The following GABRB3 variants were observed in gnomAD, a reference collection of about 807,000 sequenced individuals.
GABRB3 encodes the protein gamma-aminobutyric acid type A receptor subunit beta3.
Under a neutral mutation model 52.1 loss-of-function variants are expected in GABRB3, and 14 were observed. That is an observed-to-expected ratio of 0.27 (90% confidence interval 0.18 to 0.42). GABRB3 has a LOEUF of 0.42. GABRB3 is among the 10% of genes least tolerant of loss of function. GABRB3 has a pLI of 1.00. For synonymous variants in GABRB3, 260 were observed against 232.3 expected (o/e 1.12, Z -1.08); for missense variants, 307 against 609.1 (o/e 0.50, Z 5.22).
intron 3 of GABRB3, among the ~76,000 whole-genome samples, chr15:26,756,854 C>G (rs191823847): frequency 1.4e-3 from 215 of 152,196 alleles, no homozygotes; most frequent in South Asian, 0.01. Flanking sequence ...CTAAGCACCC[C>G]ATAAGTTTGC....
rs1430032236 is a variant in GABRB3, at chr15:26,554,148, A to G, written c.1081-6014T>C. Among the ~76,000 whole-genome samples the G allele has an allele frequency of 3.5e-3, 198 of 56,022 alleles. 10 individuals are homozygous for G. The highest frequency in any genetic ancestry group is 0.018 in the African/African-American group (184 of 10,338). The allele number at this position is 56,022 out of a possible 152,430, so 36.8% of individuals were successfully genotyped here. On this transcript the variant is annotated intron_variant, in intron 8 of 8. Coordinates refer to ENST00000311550, the MANE Select transcript of GABRB3 (RefSeq NM_000814.6). ...GTGTGTATATATATATATAAAGTAT[A>G]TATATATATAAAGTATATATATATA...
At chr15:26,669,090 C>A (rs981978903) in intron 3 of GABRB3, among the ~76,000 whole-genome samples, 1 of 152,120 alleles carries the variant, frequency 6.6e-6, no homozygotes, top group Non-Finnish European at 1.5e-5. Context: ...CATAAACAGC[C>A]CCACACTCCG....
At chr15:26,725,426 C>T (rs2140144634) in intron 3 of GABRB3, among the ~76,000 whole-genome samples, 1 of 152,328 alleles carries the variant, frequency 6.6e-6, no homozygotes, top group African/African-American at 2.4e-5. Context: ...GATCCACCCA[C>T]TGACTGCCAC....
In GABRB3 at chr15:26,547,583, C is replaced by A; in HGVS notation, c.*210G>T. ...TCTTCCATACACATGGGCACTGACT[C>A]CTGTGTGTATAAACATATACACATA... On this transcript the variant is annotated 3_prime_UTR_variant, in exon 9 of 9. Transcript: ENST00000311550. 1 of 603,544 alleles carries A rather than the reference C, an allele frequency of 1.7e-6. No individual in the cohort carries two copies. The highest frequency in any genetic ancestry group is 2.9e-6 in the Non-Finnish European group (1 of 339,844). 37.4% of individuals were successfully genotyped at this position (603,544 alleles called of 1,614,324 possible).
At chr15:26,655,311 C>T (rs1887332515) in intron 3 of GABRB3, among the ~76,000 whole-genome samples, 1 of 152,262 alleles carries the variant, frequency 6.6e-6, no homozygotes, top group South Asian at 2.1e-4. Context: ...ATTTATTTAA[C>T]CCACCTCCCT....
At chr15:26,583,947 T>C (rs1321950358) in intron 4 of GABRB3, among the ~76,000 whole-genome samples, 1 of 152,002 alleles carries the variant, frequency 6.6e-6, no homozygotes, top group Non-Finnish European at 1.5e-5. Context: ...GCTAATTTTT[T>C]TGTATTTTTT....
intron 4 of GABRB3, among the ~76,000 whole-genome samples, chr15:26,583,750 G>A (rs1408710079): frequency 6.6e-6 from 1 of 151,234 alleles, no homozygotes; most frequent in East Asian, 1.9e-4. Flanking sequence ...GTTAAATTGA[G>A]GTAATTAACA....
intron 8 of GABRB3, among the ~76,000 whole-genome samples, chr15:26,557,098 A>G (rs1486549705): frequency 1.3e-5 from 2 of 152,236 alleles, no homozygotes; most frequent in Non-Finnish European, 2.9e-5. Flanking sequence ...CTATGCAGCC[A>G]TAAAAAGAAG....
chr15:26,757,487 G>A (rs902685983), intron 3 of GABRB3, among the ~76,000 whole-genome samples: 3 of 152,154 alleles, frequency 2.0e-5, no homozygotes, highest in Admixed American at 6.6e-5. Flanking sequence ...AAGCTTGAAC[G>A]GGGGCACTAA....
chr15:26,596,841 GA>G (rs756241877), intron 4 of GABRB3, among the ~76,000 whole-genome samples: 17 of 152,138 alleles, frequency 1.1e-4, no homozygotes, highest in Non-Finnish European at 1.0e-4. Flanking sequence ...TAATTTATAA[GA>G]AATGAAATTT....
At chr15:26,636,322 T>C (rs1893059221) in intron 3 of GABRB3, among the ~76,000 whole-genome samples, 1 of 152,190 alleles carries the variant, frequency 6.6e-6, no homozygotes, top group Admixed American at 6.5e-5. Flanking sequence ...CATGTCTTCC[T>C]CCAGCATCCA....
intron 4 of GABRB3, chr15:26,613,938 A>AT (rs1892166333): frequency 6.6e-6 from 1 of 152,220 alleles, no homozygotes; most frequent in African/African-American, 2.4e-5. Context: ...GTGCAGCCAT[A>AT]TACAGCAAGG....
chr15:26,746,158 T>G (rs1246016257), intron 3 of GABRB3, among the ~76,000 whole-genome samples: 1 of 151,752 alleles, frequency 6.6e-6, no homozygotes, highest in Non-Finnish European at 1.5e-5. Context: ...GACATTCTGA[T>G]AGGTGTTTAG....
At chr15:26,617,123 T>G (rs1021880381) in intron 4 of GABRB3, among the ~76,000 whole-genome samples, 4 of 152,144 alleles carry the variant, frequency 2.6e-5, no homozygotes, top group African/African-American at 7.2e-5. Context: ...CAGCACCAGA[T>G]GGATTCACAG....
At chr15:26,673,021 A>C (rs2140634301) in intron 3 of GABRB3, among the ~76,000 whole-genome samples, 1 of 152,336 alleles carries the variant, frequency 6.6e-6, no homozygotes, top group Middle Eastern at 3.4e-3. Flanking sequence ...CTTGCATTTT[A>C]AGCAAAAATC....
At chr15:26,643,355 C>A (rs1893262348) in intron 3 of GABRB3, among the ~76,000 whole-genome samples, 1 of 152,170 alleles carries the variant, frequency 6.6e-6, no homozygotes, top group South Asian at 2.1e-4. Context: ...GACGAGGAGC[C>A]CTCAGAGATG....
chr15:26,550,436 A>G (rs1031155714), intron 8 of GABRB3, among the ~76,000 whole-genome samples: 5 of 152,234 alleles, frequency 3.3e-5, no homozygotes, highest in African/African-American at 9.6e-5. Context: ...TCAAAGCCAC[A>G]TGAGATATCA....
chr15:26,753,468 T>C (rs1370415856), intron 3 of GABRB3, among the ~76,000 whole-genome samples: 5 of 152,044 alleles, frequency 3.3e-5, no homozygotes, highest in Admixed American at 1.3e-4. Flanking sequence ...TAATTACATA[T>C]TGGAGAAAGA....
chr15:26,741,130 A>G (rs149290878), intron 3 of GABRB3, among the ~76,000 whole-genome samples: 31 of 151,610 alleles, frequency 2.0e-4, no homozygotes, highest in Non-Finnish European at 3.8e-4. Context: ...TCCTATATGG[A>G]CTTTATCTGG....
Sources: gnomAD v4.1 joint callset for allele counts (sites outside exome capture counted in the v4.1 genomes callset) on GRCh38, gnomAD v4.1.1 for gene constraint, MANE v1.5 for transcripts, NCBI Gene and HGNC (gene_info 2026-07-23, HGNC 2026-07-21) for gene names.